The following LYRM4 variants were observed in gnomAD, a reference collection of about 807,000 sequenced individuals.
LYRM4 encodes the protein LYR motif-containing protein 4.
LYRM4 carries 9 observed loss-of-function variants against 11.7 expected under a neutral mutation model. The observed-to-expected ratio is 0.77, with a 90% CI of 0.46 to 1.34. The LOEUF is 1.34. Among genes scored for constraint, LYRM4 ranks in the 40% most tolerant of loss-of-function variants. LYRM4 has a pLI of 0.00. For synonymous variants in LYRM4, 42 were observed against 40.4 expected (o/e 1.04, Z -0.15); for missense variants, 133 against 112.5 (o/e 1.18, Z -0.82).
intron 1 of LYRM4, among the ~76,000 whole-genome samples, chr6:5,223,956 G>A (rs1762733937): frequency 6.6e-6 from 1 of 152,150 alleles, no homozygotes; most frequent in African/African-American, 2.4e-5. Flanking sequence ...TGGCCTACAG[G>A]ACTCTCTGGA....
chr6:5,154,555 G>T (rs1183039710), intron 2 of LYRM4, among the ~76,000 whole-genome samples: 1 of 152,074 alleles, frequency 6.6e-6, no homozygotes, highest in Non-Finnish European at 1.5e-5. Flanking sequence ...GGTGGCTCAA[G>T]CCTGTAATCC....
chr6:5,077,811 C>T, the LYRM4 span, among the ~76,000 whole-genome samples: 1 of 152,070 alleles, frequency 6.6e-6, no homozygotes, highest in African/African-American at 2.4e-5. Flanking sequence ...GATTATACAA[C>T]TAATGGAATC....
intron 2 of LYRM4, among the ~76,000 whole-genome samples, chr6:5,149,391 C>T (rs1757963867): frequency 6.6e-6 from 1 of 152,234 alleles, no homozygotes; most frequent in Non-Finnish European, 1.5e-5. Flanking sequence ...AGGATGGTGT[C>T]AGGCTCATTA....
the LYRM4 span, among the ~76,000 whole-genome samples, chr6:5,093,603 C>T: frequency 6.6e-6 from 1 of 152,216 alleles, no homozygotes; most frequent in Non-Finnish European, 1.5e-5. Context: ...TGCCACTTTA[C>T]AAAAAAACTT....
chr6:5,115,754 A>T (rs568669907), intron 2 of LYRM4, among the ~76,000 whole-genome samples: 6 of 151,906 alleles, frequency 3.9e-5, no homozygotes, highest in East Asian at 3.9e-4. Context: ...AATTAAATTT[A>T]AAAAAAACCC....
At chr6:5,119,794 CAAAAAAAAAAA>C (rs968606439) in intron 2 of LYRM4, among the ~76,000 whole-genome samples, 3 of 16,876 alleles carry the variant, frequency 1.8e-4, no homozygotes, top group South Asian at 2.2e-3. Flanking sequence ...GTCTCCATAA[CAAAAAAAAAAA>C]AAAAAAAAAA....
chr6:5,233,431 A>C (rs1763358343), intron 1 of LYRM4, among the ~76,000 whole-genome samples: 1 of 152,216 alleles, frequency 6.6e-6, no homozygotes, highest in Admixed American at 6.5e-5. Context: ...AAGCCCTGGA[A>C]CGTGAGAAGA....
chr6:5,079,846 C>G, the LYRM4 span, among the ~76,000 whole-genome samples: 2 of 152,180 alleles, frequency 1.3e-5, no homozygotes, highest in Non-Finnish European at 2.9e-5. Flanking sequence ...CTATCTGATT[C>G]ACAAGGAAGC....
the LYRM4 span, among the ~76,000 whole-genome samples, chr6:5,044,362 C>T: frequency 6.6e-6 from 1 of 152,176 alleles, no homozygotes; most frequent in Non-Finnish European, 1.5e-5. Context: ...AACTCCTGAC[C>T]TCAAGTGATC....
chr6:5,166,554 G>A lies in LYRM4; in HGVS notation c.207+50064C>T, dbSNP rs80075180. On this transcript the variant is annotated intron_variant, in intron 2 of 2. Transcript: ENST00000330636. ...CTTGTCCTATTTGTTCTAGGATATCGGTCCAAGAGTAGAAGAGAGAAAAAA... is the reference window on the plus strand; with the variant it reads ...CTTGTCCTATTTGTTCTAGGATATCAGTCCAAGAGTAGAAGAGAGAAAAAA... Among the ~76,000 whole-genome samples, 13 of 152,234 alleles carry A rather than the reference G, an allele frequency of 8.5e-5. No homozygotes were observed. In the East Asian group the frequency reaches 1.9e-3, roughly 23 times the overall value.
chr6:5,158,372 A>G (rs906322104), intron 2 of LYRM4, among the ~76,000 whole-genome samples: 1 of 152,178 alleles, frequency 6.6e-6, no homozygotes, highest in Admixed American at 6.5e-5. Flanking sequence ...ACGATTAATG[A>G]TAACATTCTT....
At chr6:5,219,331 A>T (rs1762450173) in intron 1 of LYRM4, among the ~76,000 whole-genome samples, 1 of 152,118 alleles carries the variant, frequency 6.6e-6, no homozygotes, top group Non-Finnish European at 1.5e-5. Flanking sequence ...AGCTCTCCAA[A>T]GTCCTTACCT....
chr6:5,225,931 A>G (rs1413562693), intron 1 of LYRM4, among the ~76,000 whole-genome samples: 2 of 152,222 alleles, frequency 1.3e-5, no homozygotes, highest in Non-Finnish European at 2.9e-5. Flanking sequence ...CCTTTTTCTC[A>G]TCATGTATGA....
the LYRM4 span, chr6:5,033,267 C>T: frequency 1.3e-5 from 2 of 151,916 alleles, no homozygotes. Flanking sequence ...CTCAGAATCA[C>T]TCCCGGGGGT....
the LYRM4 span, among the ~76,000 whole-genome samples, chr6:5,097,447 T>TCCTCCAG: frequency 0.11 from 16,187 of 149,524 alleles, 1,134 homozygotes; most frequent in African/African-American, 0.17. Context: ...GCTAAAGTGA[T>TCCTCCAG]CCTCCAGCCT....
At chr6:5,217,853 G>A (rs1193946804) in intron 1 of LYRM4, among the ~76,000 whole-genome samples, 1 of 152,114 alleles carries the variant, frequency 6.6e-6, no homozygotes, top group African/African-American at 2.4e-5. Context: ...ACTCCAGATT[G>A]AAAGGCATAA....
In LYRM4 at chr6:5,177,556, G is replaced by T. The variant is rs186811652; in HGVS notation, c.207+39062C>A. ...TAGACCCAGTCTCCCACGTTGCCTT[G>T]TTAGGACATGCTGTTTCTGTCCTGC... On this transcript the variant is annotated intron_variant, in intron 2 of 2. Coordinates refer to ENST00000330636, the MANE Select transcript of LYRM4 (RefSeq NM_020408.6). Among the ~76,000 whole-genome samples the T allele has an allele frequency of 2.2e-3, 328 of 152,290 alleles. 2 individuals are homozygous for T. The highest frequency in any genetic ancestry group is 6.9e-3 in the African/African-American group (287 of 41,562).
chr6:5,120,833 C>G (rs1467178567), intron 2 of LYRM4, among the ~76,000 whole-genome samples: 1 of 152,178 alleles, frequency 6.6e-6, no homozygotes, highest in Non-Finnish European at 1.5e-5. Context: ...TTACAGAGCA[C>G]TGATTGGTGC....
the LYRM4 span, among the ~76,000 whole-genome samples, chr6:5,053,631 C>CAA: frequency 1.9e-3 from 241 of 126,562 alleles, no homozygotes; most frequent in Non-Finnish European, 3.4e-3. Flanking sequence ...CTGTCTCTTG[C>CAA]AAAAAAAAAA....
Sources: gnomAD v4.1 joint callset for allele counts (sites outside exome capture counted in the v4.1 genomes callset) on GRCh38, gnomAD v4.1.1 for gene constraint, MANE v1.5 for transcripts, NCBI Gene and HGNC (gene_info 2026-07-23, HGNC 2026-07-21) for gene names.